The following CCDC7 variants were observed in gnomAD, a reference collection of about 807,000 sequenced individuals.
CCDC7 encodes the protein coiled-coil domain containing 7.
In CCDC7, 183 loss-of-function variants were observed where a neutral mutation model predicts 196.9. That is an observed-to-expected ratio of 0.93 (90% CI 0.82 to 1.05). CCDC7 has a LOEUF of 1.05. Among genes scored for constraint, CCDC7 ranks in the 50% least tolerant of loss-of-function variants. CCDC7 has a pLI of 0.00. For synonymous variants in CCDC7, 525 were observed against 484.6 expected, an observed-to-expected ratio of 1.08 and a Z score of -1.10; for missense variants, 1,540 against 1,482.2, an observed-to-expected ratio of 1.04 and a Z score of -0.64.
chr10:32,702,175 C>G (rs1348369602), intron 24 of CCDC7, among the ~76,000 whole-genome samples: 2 of 152,046 alleles, frequency 1.3e-5, no homozygotes, highest in East Asian at 3.9e-4. Flanking sequence ...AAATTTCCCT[C>G]TACACACTGC....
chr10:32,652,775 CT>C (rs2069010256), intron 20 of CCDC7, among the ~76,000 whole-genome samples: 1 of 151,894 alleles, frequency 6.6e-6, no homozygotes, highest in African/African-American at 2.4e-5. Flanking sequence ...ATAAATTTTT[CT>C]AGTTATTATT....
intron 20 of CCDC7, among the ~76,000 whole-genome samples, chr10:32,652,903 A>G (rs2069038579): frequency 6.6e-6 from 1 of 152,200 alleles, no homozygotes; most frequent in Non-Finnish European, 1.5e-5. Flanking sequence ...TTTATAAAAA[A>G]TTTCTGATGT....
intron 24 of CCDC7, among the ~76,000 whole-genome samples, chr10:32,705,177 G>A (rs1203325197): frequency 6.6e-6 from 1 of 152,110 alleles, no homozygotes; most frequent in Non-Finnish European, 1.5e-5. Flanking sequence ...CATTCTTATA[G>A]AAAAGAATTT....
At chr10:32,854,957 G>A (rs2093693912) in intron 41 of CCDC7, among the ~76,000 whole-genome samples, 1 of 152,098 alleles carries the variant, frequency 6.6e-6, no homozygotes, top group African/African-American at 2.4e-5. Context: ...GTGCATTAAA[G>A]GTATATATCA....
intron 22 of CCDC7, among the ~76,000 whole-genome samples, chr10:32,688,726 T>G (rs1167648207): frequency 1.3e-5 from 2 of 152,232 alleles, no homozygotes; most frequent in African/African-American, 4.8e-5. Context: ...TTTGCAATTA[T>G]GCTGTAATGA....
exon 6 of CCDC7, chr10:32,471,110 A>C (rs771050438): frequency 6.8e-6 from 11 of 1,611,922 alleles, no homozygotes; most frequent in Middle Eastern, 1.7e-4. Context: ...CCAAAACCTG[A>C]CAAAACAGTC....
chr10:32,747,523 A>G (rs2074981259), intron 28 of CCDC7, among the ~76,000 whole-genome samples: 1 of 152,190 alleles, frequency 6.6e-6, no homozygotes, highest in Admixed American at 6.5e-5. Context: ...TAAGCAAAAA[A>G]CAACCCCATT....
intron 23 of CCDC7, among the ~76,000 whole-genome samples, chr10:32,694,194 A>C (rs897445720): frequency 6.6e-6 from 1 of 152,194 alleles, no homozygotes; most frequent in Non-Finnish European, 1.5e-5. Context: ...TATGACAACC[A>C]TCATTCACTG....
chr10:32,592,569 C>T (rs1043510181), intron 18 of CCDC7, among the ~76,000 whole-genome samples: 2 of 151,690 alleles, frequency 1.3e-5, no homozygotes, highest in Admixed American at 6.6e-5. Context: ...TTTAATTTTA[C>T]TTTAAGTTCT....
exon 40 of CCDC7, chr10:32,851,848 T>C: frequency 6.2e-7 from 1 of 1,612,766 alleles, no homozygotes; most frequent in Non-Finnish European, 8.5e-7. Flanking sequence ...GACTGCACCT[T>C]CAAAAGCAAT....
At chr10:32,852,257 C>T (rs1389612593) in intron 40 of CCDC7, among the ~76,000 whole-genome samples, 1 of 152,126 alleles carries the variant, frequency 6.6e-6, no homozygotes. Flanking sequence ...ATGTATCCCT[C>T]TTTTATGCAA....
chr10:32,671,888 G>C (rs2074127560), intron 21 of CCDC7, among the ~76,000 whole-genome samples: 1 of 152,192 alleles, frequency 6.6e-6, no homozygotes, highest in Admixed American at 6.6e-5. Flanking sequence ...AGCCAATGCT[G>C]TGAATGTTTG....
intron 8 of CCDC7, among the ~76,000 whole-genome samples, chr10:32,475,798 A>T (rs990471144): frequency 3.3e-5 from 5 of 152,160 alleles, no homozygotes; most frequent in African/African-American, 1.2e-4. Flanking sequence ...TAAATCTTAT[A>T]GCCTGGCCAG....
intron 13 of CCDC7, among the ~76,000 whole-genome samples, chr10:32,560,254 T>C (rs969210369): frequency 1.6e-4 from 24 of 152,336 alleles, no homozygotes; most frequent in African/African-American, 5.3e-4. Context: ...CTCTGCAAGA[T>C]ATTATCCAGG....
chr10:32,614,141 A>T (rs2062498942), intron 18 of CCDC7, among the ~76,000 whole-genome samples: 1 of 151,688 alleles, frequency 6.6e-6, no homozygotes, highest in South Asian at 2.1e-4. Flanking sequence ...TGTTGCATTG[A>T]TCCCTTTACC....
intron 8 of CCDC7, among the ~76,000 whole-genome samples, chr10:32,474,283 G>A (rs1020532324): frequency 2.3e-5 from 3 of 128,446 alleles, no homozygotes; most frequent in African/African-American, 8.6e-5. Context: ...GAGTGCAGTG[G>A]CATGATCTCA....
Position 32,472,677 on chromosome 10 carries a change from C to T in CCDC7, c.739+135C>T, listed in dbSNP as rs554060206. 9.6e-5 allele frequency: 72 copies of T among 752,608 alleles called. No individual in the cohort carries two copies. The African/African-American group carries it at 1.1e-3, about 11-fold the overall frequency. The allele number at this position is 752,608 out of a possible 1,614,324, so 46.6% of individuals were successfully genotyped here. On this transcript the variant is annotated intron_variant, in intron 7 of 41. Coordinates refer to ENST00000639629, the Ensembl canonical transcript of CCDC7. ...TGGCATGAATATCGCTCACTGCAGC[C>T]TCAAACTCTTGGGCTCAAGTGATCC...
rs2053975284 is a variant in CCDC7, at chr10:32,554,177, A to G, written c.1134+9876A>G. Among the ~76,000 whole-genome samples, 4 of 152,310 alleles carry G rather than the reference A, an allele frequency of 2.6e-5. No homozygotes were observed. In the South Asian group the frequency reaches 6.2e-4, roughly 24 times the overall value. ...CGTGTTGCTCCCAACCTCCCCTGCAATAGCCCCAAGTCTGTTTCCAGACGG... is the reference window on the plus strand; with the variant it reads ...CGTGTTGCTCCCAACCTCCCCTGCAGTAGCCCCAAGTCTGTTTCCAGACGG... On this transcript the variant is annotated intron_variant, in intron 13 of 41. Coordinates refer to ENST00000639629, the Ensembl canonical transcript of CCDC7.
At chr10:32,485,229 C>G (rs536472268) in intron 8 of CCDC7, among the ~76,000 whole-genome samples, 273 of 149,960 alleles carry the variant, frequency 1.8e-3, no homozygotes, top group Non-Finnish European at 2.8e-3. Flanking sequence ...AGTCTTGGGA[C>G]GGTGTGTCGA....
Sources: gnomAD v4.1 joint callset for allele counts (sites outside exome capture counted in the v4.1 genomes callset) on GRCh38, gnomAD v4.1.1 for gene constraint, MANE v1.5 for transcripts, NCBI Gene and HGNC (gene_info 2026-07-23, HGNC 2026-07-21) for gene names.